Variants in KIAA1328 observed in about 807,000 individuals in gnomAD.
KIAA1328 encodes KIAA1328.
A neutral mutation model predicts 68.1 loss-of-function variants in KIAA1328; 52 were observed. That is an observed-to-expected ratio of 0.76 (90% CI 0.61 to 0.96). The LOEUF is 0.96. Ranked by LOEUF, KIAA1328 falls within the 40% of genes least tolerant of loss-of-function variation. KIAA1328 has a pLI of 0.00. For missense variants in KIAA1328, 641 were observed against 677.6 expected, an observed-to-expected ratio of 0.95 and a Z score of 0.60; for synonymous variants, 232 against 239.4, an observed-to-expected ratio of 0.97 and a Z score of 0.28.
At chr18:36,876,420 G>A (rs753836389) in intron 4 of KIAA1328, among the ~76,000 whole-genome samples, 1 of 152,120 alleles carries the variant, frequency 6.6e-6, no homozygotes, top group Non-Finnish European at 1.5e-5. Flanking sequence ...TATGTGTCTA[G>A]GAATTTATCC....
chr18:37,083,238 A>G (rs2057003999), intron 7 of KIAA1328, among the ~76,000 whole-genome samples: 1 of 152,054 alleles, frequency 6.6e-6, no homozygotes, highest in East Asian at 1.9e-4. Context: ...TTGCATCTAC[A>G]TTTACCTACC....
intron 7 of KIAA1328, among the ~76,000 whole-genome samples, chr18:37,075,871 C>A (rs1300050824): frequency 6.6e-6 from 1 of 152,202 alleles, no homozygotes; most frequent in Non-Finnish European, 1.5e-5. Context: ...TAGACTCCCA[C>A]AGAATAATAA....
intron 5 of KIAA1328, among the ~76,000 whole-genome samples, chr18:36,949,593 C>T (rs2051058423): frequency 2.0e-4 from 4 of 19,926 alleles, no homozygotes; most frequent in South Asian, 2.9e-3. Context: ...TGTTTCTACC[C>T]AGCTCCCCCC....
At chr18:36,895,127 C>T (rs2048826766) in intron 5 of KIAA1328, among the ~76,000 whole-genome samples, 1 of 152,132 alleles carries the variant, frequency 6.6e-6, no homozygotes, top group South Asian at 2.1e-4. Context: ...TATTTGGCTC[C>T]TAGCATTCAT....
intron 9 of KIAA1328, among the ~76,000 whole-genome samples, chr18:37,203,787 T>C (rs930164150): frequency 6.6e-6 from 1 of 151,310 alleles, no homozygotes. Context: ...GGCCTTTCCA[T>C]GGCTACCTAC....
At chr18:37,150,753 C>A (rs781192588) in intron 7 of KIAA1328, among the ~76,000 whole-genome samples, 1 of 151,952 alleles carries the variant, frequency 6.6e-6, no homozygotes, top group Non-Finnish European at 1.5e-5. Context: ...TTAAAGAAAA[C>A]TTCATCTCAA....
At chr18:36,850,580 T>C (rs1032804581) in intron 4 of KIAA1328, among the ~76,000 whole-genome samples, 4 of 152,152 alleles carry the variant, frequency 2.6e-5, no homozygotes, top group Non-Finnish European at 4.4e-5. Flanking sequence ...CAACAATAAC[T>C]AATAATTAAA....
At chr18:37,038,840 T>C (rs939920549) in intron 6 of KIAA1328, among the ~76,000 whole-genome samples, 5 of 152,192 alleles carry the variant, frequency 3.3e-5, no homozygotes, top group African/African-American at 4.8e-5. Flanking sequence ...AAATGAAACA[T>C]ACAGCTGCAG....
At chr18:37,048,782 A>C (rs1372908069) in intron 6 of KIAA1328, among the ~76,000 whole-genome samples, 1 of 152,176 alleles carries the variant, frequency 6.6e-6, no homozygotes, top group African/African-American at 2.4e-5. Flanking sequence ...GAGAAATTAT[A>C]AACTGTGAGT....
intron 8 of KIAA1328, among the ~76,000 whole-genome samples, chr18:37,167,678 C>A (rs1384060697): frequency 6.6e-6 from 1 of 152,058 alleles, no homozygotes; most frequent in African/African-American, 2.4e-5. Context: ...TGATATCCAG[C>A]AGCTTCTGTC....
At chr18:37,120,351 T>C (rs752943690) in intron 7 of KIAA1328, among the ~76,000 whole-genome samples, 5 of 152,272 alleles carry the variant, frequency 3.3e-5, no homozygotes, top group Non-Finnish European at 5.9e-5. Flanking sequence ...AGGTGTTTTG[T>C]CATTTATTTG....
At chr18:36,943,476 A>T (rs1436359624) in intron 5 of KIAA1328, among the ~76,000 whole-genome samples, 1 of 152,214 alleles carries the variant, frequency 6.6e-6, no homozygotes, top group Non-Finnish European at 1.5e-5. Context: ...TTCATCACTG[A>T]TAATGTTAAG....
At chr18:37,001,137 A>G (rs1485816051) in intron 6 of KIAA1328, among the ~76,000 whole-genome samples, 1 of 152,032 alleles carries the variant, frequency 6.6e-6, no homozygotes, top group East Asian at 1.9e-4. Context: ...TACATTAACT[A>G]AGAAAAGATG....
intron 6 of KIAA1328, among the ~76,000 whole-genome samples, chr18:37,049,122 C>T (rs1329177011): frequency 6.6e-6 from 1 of 152,066 alleles, no homozygotes; most frequent in Non-Finnish European, 1.5e-5. Context: ...TCTGTGCCCT[C>T]AAAGAGTTCA....
At chr18:36,922,518 A>G (rs1380681996) in intron 5 of KIAA1328, among the ~76,000 whole-genome samples, 1 of 152,150 alleles carries the variant, frequency 6.6e-6, no homozygotes, top group Non-Finnish European at 1.5e-5. Flanking sequence ...TGGTTCAGTT[A>G]TTGAAAAGTT....
At chr18:36,987,228 C>T (rs1448597318) in intron 6 of KIAA1328, among the ~76,000 whole-genome samples, 4 of 87,910 alleles carry the variant, frequency 4.6e-5, no homozygotes, top group East Asian at 3.3e-4. Context: ...AGTAAACTAT[C>T]GCAAGAACAA....
intron 7 of KIAA1328, among the ~76,000 whole-genome samples, chr18:37,130,403 C>T (rs993475198): frequency 5.9e-5 from 9 of 152,074 alleles, no homozygotes; most frequent in Non-Finnish European, 1.0e-4. Flanking sequence ...GCAGATCACG[C>T]GATCAAGAGA....
downstream of KIAA1328, among the ~76,000 whole-genome samples, chr18:37,228,640 G>A (rs935700963): frequency 5.9e-5 from 9 of 152,020 alleles, no homozygotes; most frequent in African/African-American, 1.5e-4. Context: ...CCAACATGGC[G>A]AAACCCCGTC....
At chr18:36,889,979 A>G (rs1302681681) in intron 5 of KIAA1328, among the ~76,000 whole-genome samples, 2 of 152,112 alleles carry the variant, frequency 1.3e-5, no homozygotes, top group African/African-American at 4.8e-5. Context: ...CATTGGGAGG[A>G]AACCAAGTTT....
Sources: gnomAD v4.1 joint callset for allele counts (sites outside exome capture counted in the v4.1 genomes callset) on GRCh38, gnomAD v4.1.1 for gene constraint, MANE v1.5 for transcripts, NCBI Gene and HGNC (gene_info 2026-07-23, HGNC 2026-07-21) for gene names.